Variants in POU2AF3 observed in about 807,000 individuals in gnomAD.
POU2AF3 encodes the protein cancer susceptibility candidate 13.
chr11:111,300,642 C>T, the POU2AF3 span: 1 of 1,199,638 alleles, frequency 8.3e-7, no homozygotes, highest in Non-Finnish European at 1.0e-6. Context: ...GCCCTTCCCT[C>T]ATTCCCCAGC....
the POU2AF3 span, chr11:111,299,238 C>T: frequency 3.0e-6 from 3 of 985,656 alleles, no homozygotes; most frequent in African/African-American, 3.5e-5. Flanking sequence ...AGGCGAGGCG[C>T]TGGCATCCTG....
At chr11:111,298,947 G>A in the POU2AF3 span, 1 of 1,032,758 alleles carries the variant, frequency 9.7e-7, no homozygotes, top group Non-Finnish European at 1.2e-6. Flanking sequence ...GACGGGGGCA[G>A]AGCGCACCGA....
chr11:111,306,703 T>C, the POU2AF3 span: 1 of 1,044,190 alleles, frequency 9.6e-7, no homozygotes. Flanking sequence ...CACCATCCCG[T>C]GGGAAATCAT....
the POU2AF3 span, chr11:111,300,403 T>G: frequency 5.2e-6 from 2 of 381,172 alleles, no homozygotes; most frequent in South Asian, 2.9e-4. Context: ...TTGACATTTT[T>G]TGTGTGTGTT....
At chr11:111,304,968 C>T in the POU2AF3 span, 3 of 1,232,680 alleles carry the variant, frequency 2.4e-6, no homozygotes, top group Admixed American at 8.4e-5. Context: ...GACCCAGTTG[C>T]ACCATCTTCT....
At chr11:111,303,963 C>A in the POU2AF3 span, among the ~76,000 whole-genome samples, 1 of 151,370 alleles carries the variant, frequency 6.6e-6, no homozygotes, top group Non-Finnish European at 1.5e-5. Context: ...GGCTGCTTTA[C>A]TTTGAATAGT....
At chr11:111,306,295 T>C in the POU2AF3 span, 45 of 572,046 alleles carry the variant, frequency 7.9e-5, no homozygotes, top group East Asian at 1.4e-3. Flanking sequence ...AAGCCCCCTT[T>C]CCCCCTAGAC....
At chr11:111,306,092 A>G in the POU2AF3 span, among the ~76,000 whole-genome samples, 1 of 152,340 alleles carries the variant, frequency 6.6e-6, no homozygotes, top group Admixed American at 6.5e-5. Context: ...ACAGCCCAAG[A>G]AAGGGGAAGT....
the POU2AF3 span, among the ~76,000 whole-genome samples, chr11:111,307,374 A>T: frequency 6.6e-6 from 1 of 152,118 alleles, no homozygotes; most frequent in Admixed American, 6.5e-5. Context: ...TTGCCTTTGG[A>T]TTGTCAAAAG....
At chr11:111,300,200 T>C in the POU2AF3 span, 3 of 328,360 alleles carry the variant, frequency 9.1e-6, no homozygotes, top group Admixed American at 4.9e-5. Context: ...CTAATCAGAG[T>C]GGTGGGCTCC....
At chr11:111,303,591 G>A in the POU2AF3 span, among the ~76,000 whole-genome samples, 1 of 152,182 alleles carries the variant, frequency 6.6e-6, no homozygotes, top group Non-Finnish European at 1.5e-5. Flanking sequence ...TCTACAATGA[G>A]GCAGATTTTT....
chr11:111,299,773 G>A, the POU2AF3 span: 8 of 1,195,746 alleles, frequency 6.7e-6, no homozygotes, highest in Non-Finnish European at 8.4e-6. Flanking sequence ...GGCGAAGGAG[G>A]GAGGAGGGCA....
chr11:111,299,559 C>G, the POU2AF3 span: 1 of 1,206,416 alleles, frequency 8.3e-7, no homozygotes, highest in African/African-American at 1.6e-5. Flanking sequence ...CGGGGCAGTC[C>G]GACCGGGCCC....
At chr11:111,298,844 A>G in the POU2AF3 span, 11 of 310,182 alleles carry the variant, frequency 3.5e-5, no homozygotes, top group Admixed American at 1.0e-3. Context: ...CCGCCCTCCC[A>G]CGTATCCACT....
chr11:111,307,990 T>TCACCCTTACACAAAA, the POU2AF3 span: 663 of 1,347,206 alleles, frequency 4.9e-4, 3 homozygotes, highest in African/African-American at 8.8e-3. Context: ...TCACTCTGCA[T>TCACCCTTACACAAAA]TGGTAAACCC....
At chr11:111,301,056 C>T in the POU2AF3 span, among the ~76,000 whole-genome samples, 4 of 152,190 alleles carry the variant, frequency 2.6e-5, no homozygotes, top group Non-Finnish European at 1.5e-5. Context: ...CCCTTCCCTC[C>T]TCATTCTTCT....
the POU2AF3 span, chr11:111,299,552 G>A: frequency 8.3e-7 from 1 of 1,202,960 alleles, no homozygotes; most frequent in Admixed American, 4.4e-5. Flanking sequence ...CGCGAGCCGG[G>A]GCAGTCCGAC....
At chr11:111,298,826 G>GGGGGGCCCCC in the POU2AF3 span, 1 of 790,962 alleles carries the variant, frequency 1.3e-6, no homozygotes, top group Non-Finnish European at 1.7e-6. Context: ...CGTACCCCAG[G>GGGGGGCCCCC]CCCCCGCCCG....
At chr11:111,304,795 C>A in the POU2AF3 span, 3 of 457,718 alleles carry the variant, frequency 6.6e-6, no homozygotes, top group Non-Finnish European at 1.1e-5. Context: ...AAAAAGAAAG[C>A]AACTTTTTCT....
Sources: allele counts gnomAD v4.1 joint callset (sites outside exome capture counted in the v4.1 genomes callset), GRCh38; gene constraint gnomAD v4.1.1; transcripts MANE v1.5; gene names NCBI Gene and HGNC (gene_info 2026-07-23, HGNC 2026-07-21).